Variants in LHFPL6 observed in about 807,000 individuals in gnomAD.
LHFPL6 encodes the protein LHFPL tetraspan subfamily member 6, also known as LHFPL tetraspan subfamily member 6 protein.
A neutral mutation model predicts 20.6 loss-of-function variants in LHFPL6; 9 were observed. The ratio of observed to expected loss-of-function variants is 0.44; its 90% CI spans 0.26 to 0.76. The LOEUF (loss-of-function observed/expected upper bound fraction) is 0.76, where lower values mean the gene tolerates loss of function less well. LHFPL6 is among the 30% of genes least tolerant of loss of function. The probability of loss-of-function intolerance (pLI) is 0.20; values close to 1 mark genes in which losing one functional copy is unlikely to be tolerated. For synonymous variants in LHFPL6, 105 were observed against 98.7 expected, an observed-to-expected ratio of 1.06 and a Z score of -0.38; for missense variants, 218 against 253.5, an observed-to-expected ratio of 0.86 and a Z score of 0.95.
At chr13:39,373,216 C>T (rs1356638112) in intron 3 of LHFPL6, among the ~76,000 whole-genome samples, 2 of 152,160 alleles carry the variant, frequency 1.3e-5, no homozygotes, top group African/African-American at 4.8e-5. Flanking sequence ...TTCCATAAAA[C>T]ACAGGCTGGA....
chr13:39,566,731 TAA>T (rs3035077), intron 2 of LHFPL6, among the ~76,000 whole-genome samples: 4,966 of 69,912 alleles, frequency 0.071, 244 homozygotes, highest in East Asian at 0.27. Context: ...AGACCCTGTC[TAA>T]AAAAAAAAAA....
chr13:39,537,335 T>C (rs1321909110), intron 2 of LHFPL6, among the ~76,000 whole-genome samples: 1 of 151,980 alleles, frequency 6.6e-6, no homozygotes, highest in Non-Finnish European at 1.5e-5. Context: ...ACCAAGGAAA[T>C]AATAGGTATA....
intron 3 of LHFPL6, among the ~76,000 whole-genome samples, chr13:39,371,124 G>T (rs1247119688): frequency 1.3e-5 from 2 of 152,138 alleles, no homozygotes; most frequent in Non-Finnish European, 2.9e-5. Context: ...ACACTGGGAG[G>T]CTCTGAGTTT....
chr13:39,403,246 G>A lies in LHFPL6; in HGVS notation c.386-24720C>T, dbSNP rs61945299. Among the ~76,000 whole-genome samples the A allele has an allele frequency of 8.0e-3, 1,218 of 152,226 alleles. 6 individuals carry two copies. The highest frequency in any genetic ancestry group is 0.016 in the South Asian group (79 of 4,818). ...TAGACAATTTGCCTGTTTATAAAAG[G>A]GAACATCCAAGCAGCTCTCCATTTC... On this transcript the variant is annotated intron_variant, in intron 2 of 3. Transcript: ENST00000379589.
intron 2 of LHFPL6, among the ~76,000 whole-genome samples, chr13:39,390,296 T>C (rs1870671340): frequency 6.6e-6 from 1 of 151,670 alleles, no homozygotes; most frequent in African/African-American, 2.4e-5. Context: ...ATAAGAAAAG[T>C]ACCAGCCTGG....
intron 2 of LHFPL6, among the ~76,000 whole-genome samples, chr13:39,416,239 A>G (rs575416495): frequency 2.6e-3 from 396 of 152,324 alleles, no homozygotes; most frequent in Non-Finnish European, 4.5e-3. Flanking sequence ...CCTAGAATAT[A>G]AACCCAAGGA....
chr13:39,481,629 C>A (rs1439182268), intron 2 of LHFPL6, among the ~76,000 whole-genome samples: 1 of 151,920 alleles, frequency 6.6e-6, no homozygotes, highest in Non-Finnish European at 1.5e-5. Context: ...ACAGCAAAGA[C>A]AAAGACAAAG....
chr13:39,539,210 C>T (rs1374314559), intron 2 of LHFPL6, among the ~76,000 whole-genome samples: 1 of 152,054 alleles, frequency 6.6e-6, no homozygotes, highest in Non-Finnish European at 1.5e-5. Flanking sequence ...AGTTCTTTTT[C>T]TTTTGCATTT....
intron 2 of LHFPL6, among the ~76,000 whole-genome samples, chr13:39,558,803 T>C (rs904289847): frequency 6.6e-6 from 1 of 152,370 alleles, no homozygotes; most frequent in East Asian, 1.9e-4. Flanking sequence ...GGGAAATCTA[T>C]CATTTTCTTA....
intron 2 of LHFPL6, among the ~76,000 whole-genome samples, chr13:39,580,548 A>G (rs1872251342): frequency 6.6e-6 from 1 of 152,178 alleles, no homozygotes; most frequent in Non-Finnish European, 1.5e-5. Context: ...AGTTCTTTAT[A>G]ATTCTTTACT....
intron 2 of LHFPL6, among the ~76,000 whole-genome samples, chr13:39,432,278 A>C (rs67988116): frequency 0.18 from 27,380 of 152,174 alleles, 2,858 homozygotes; most frequent in African/African-American, 0.28. Flanking sequence ...GTCTTTTTAA[A>C]CCAGTGGCAA....
chr13:39,577,151 T>A (rs1038331731), intron 2 of LHFPL6, among the ~76,000 whole-genome samples: 1 of 152,234 alleles, frequency 6.6e-6, no homozygotes, highest in African/African-American at 2.4e-5. Context: ...ACTTAAGTGC[T>A]AATGTGACCT....
intron 3 of LHFPL6, among the ~76,000 whole-genome samples, chr13:39,350,194 T>C (rs888614542): frequency 1.3e-5 from 2 of 152,210 alleles, no homozygotes; most frequent in Non-Finnish European, 2.9e-5. Flanking sequence ...TCCTTGTATA[T>C]TACACATGTT....
chr13:39,466,787 T>C (rs1872815631), intron 2 of LHFPL6, among the ~76,000 whole-genome samples: 1 of 152,204 alleles, frequency 6.6e-6, no homozygotes, highest in Non-Finnish European at 1.5e-5. Flanking sequence ...TCTAACCAGA[T>C]TTCCTAAGCA....
chr13:39,359,655 A>AAAATCTACC (rs1411887999), intron 3 of LHFPL6, among the ~76,000 whole-genome samples: 1 of 152,184 alleles, frequency 6.6e-6, no homozygotes, highest in Non-Finnish European at 1.5e-5. Context: ...ACAAAGGTTG[A>AAAATCTACC]AAATCTACCT....
At chr13:39,502,673 C>T (rs1869334041) in intron 2 of LHFPL6, among the ~76,000 whole-genome samples, 1 of 152,000 alleles carries the variant, frequency 6.6e-6, no homozygotes, top group Non-Finnish European at 1.5e-5. Flanking sequence ...GAAGCTGGAA[C>T]ACAGGATCTT....
intron 2 of LHFPL6, among the ~76,000 whole-genome samples, chr13:39,481,157 A>G (rs1378150115): frequency 6.6e-6 from 1 of 152,214 alleles, no homozygotes; most frequent in East Asian, 1.9e-4. Flanking sequence ...CCTTAACAAC[A>G]CAGGAAAATG....
chr13:39,405,943 G>A (rs909842617), intron 2 of LHFPL6, among the ~76,000 whole-genome samples: 4 of 152,156 alleles, frequency 2.6e-5, no homozygotes, highest in Non-Finnish European at 4.4e-5. Context: ...AGCAAAGGAC[G>A]GAATTTGTCC....
intron 2 of LHFPL6, among the ~76,000 whole-genome samples, chr13:39,521,840 T>A (rs1870116318): frequency 6.6e-6 from 1 of 152,210 alleles, no homozygotes; most frequent in Non-Finnish European, 1.5e-5. Context: ...TGCAGATTAC[T>A]TTTTTCAAAA....
Sources: gnomAD v4.1 joint callset for allele counts (sites outside exome capture counted in the v4.1 genomes callset) on GRCh38, gnomAD v4.1.1 for gene constraint, MANE v1.5 for transcripts, NCBI Gene and HGNC (gene_info 2026-07-23, HGNC 2026-07-21) for gene names.